Variants in CREB1 observed in about 807,000 individuals in gnomAD.
CREB1 encodes the protein cyclic AMP-responsive element-binding protein 1.
A neutral mutation model predicts 42.0 loss-of-function variants in CREB1; 2 were observed. The ratio of observed to expected loss-of-function variants is 0.05; its 90% CI spans 0.02 to 0.15. The LOEUF is 0.15. Ranked by LOEUF, CREB1 falls within the 10% of genes least tolerant of loss-of-function variation. CREB1 has a pLI of 1.00. For missense variants in CREB1, 199 were observed against 388.9 expected (o/e 0.51, Z 4.11); for synonymous variants, 123 against 139.9 (o/e 0.88, Z 0.85).
intron 3 of CREB1, among the ~76,000 whole-genome samples, chr2:207,565,085 G>T (rs2082092347): frequency 6.6e-6 from 1 of 151,456 alleles, no homozygotes; most frequent in Admixed American, 6.6e-5. Flanking sequence ...AAAATTGAGA[G>T]GAAGCTACAG....
intron 7 of CREB1, among the ~76,000 whole-genome samples, chr2:207,588,263 A>G (rs1185109348): frequency 6.6e-6 from 1 of 152,142 alleles, no homozygotes; most frequent in African/African-American, 2.4e-5. Flanking sequence ...ATATAGGAAC[A>G]TCCATTTGTT....
chr2:207,537,031 G>T (rs2080901072), intron 1 of CREB1, among the ~76,000 whole-genome samples: 1 of 142,068 alleles, frequency 7.0e-6, no homozygotes, highest in Non-Finnish European at 1.5e-5. Flanking sequence ...CCTGCTAAAT[G>T]ATTAAAATGT....
intron 6 of CREB1, chr2:207,576,731 C>CAT (rs1404281045): frequency 1.7e-6 from 2 of 1,169,012 alleles, no homozygotes; most frequent in East Asian, 1.1e-4. Flanking sequence ...CCACTCAAAC[C>CAT]ATACATTTTA....
chr2:207,542,015 T>C (rs1169811808), intron 1 of CREB1, among the ~76,000 whole-genome samples: 1 of 152,250 alleles, frequency 6.6e-6, no homozygotes, highest in Non-Finnish European at 1.5e-5. Flanking sequence ...TGTTGTAGTA[T>C]GTATCAGTAT....
At chr2:207,549,186 A>G (rs999187285) in intron 1 of CREB1, among the ~76,000 whole-genome samples, 16 of 152,206 alleles carry the variant, frequency 1.1e-4, no homozygotes, top group African/African-American at 3.4e-4. Flanking sequence ...AGGTTGATCT[A>G]TGTTGAGGAG....
At chr2:207,575,723 A>T (rs1256210572) in intron 6 of CREB1, among the ~76,000 whole-genome samples, 1 of 152,166 alleles carries the variant, frequency 6.6e-6, no homozygotes, top group Non-Finnish European at 1.5e-5. Flanking sequence ...GTTAGAAGGA[A>T]AGACCAGGAA....
intron 6 of CREB1, among the ~76,000 whole-genome samples, chr2:207,576,241 C>CTTTTTTTTTTTTTTTTTAGTTT (rs2082588982): frequency 9.9e-6 from 1 of 101,068 alleles, no homozygotes; most frequent in Admixed American, 1.1e-4. Context: ...CTTTTTTTGG[C>CTTTTTTTTTTTTTTTTTAGTTT]TTTTTTTTTT....
At chr2:207,536,010 G>T (rs759104672) in intron 1 of CREB1, among the ~76,000 whole-genome samples, 3 of 151,668 alleles carry the variant, frequency 2.0e-5, no homozygotes, top group East Asian at 2.0e-4. Context: ...ACAGAGTTTC[G>T]CCATGTTGCC....
chr2:207,584,151 T>C (rs527492081), intron 7 of CREB1, among the ~76,000 whole-genome samples: 1 of 152,238 alleles, frequency 6.6e-6, no homozygotes, highest in Non-Finnish European at 1.5e-5. Context: ...GAACTTTCCA[T>C]TAACATGAGT....
intron 1 of CREB1, chr2:207,534,590 C>T (rs2080791351): frequency 6.6e-6 from 1 of 152,202 alleles, no homozygotes; most frequent in South Asian, 2.1e-4. Context: ...GCTGTCTTAT[C>T]TCTACCCTCA....
chr2:207,545,865 C>T (rs2081285507), intron 1 of CREB1, among the ~76,000 whole-genome samples: 1 of 151,892 alleles, frequency 6.6e-6, no homozygotes, highest in Non-Finnish European at 1.5e-5. Flanking sequence ...TCCCGAGTAG[C>T]TGGGATTACA....
chr2:207,583,982 A>C (rs949741376), intron 7 of CREB1, among the ~76,000 whole-genome samples: 4 of 152,142 alleles, frequency 2.6e-5, no homozygotes, highest in African/African-American at 9.7e-5. Flanking sequence ...TGCATTTAAG[A>C]TTTATTGATT....
chr2:207,536,869 A>G (rs966734623), intron 1 of CREB1, among the ~76,000 whole-genome samples: 4 of 151,970 alleles, frequency 2.6e-5, no homozygotes, highest in Non-Finnish European at 5.9e-5. Flanking sequence ...ATACGCCTGT[A>G]GTCCCAGCTG....
intron 1 of CREB1, among the ~76,000 whole-genome samples, chr2:207,548,907 T>A (rs1330566600): frequency 1.3e-5 from 2 of 152,258 alleles, no homozygotes; most frequent in African/African-American, 4.8e-5. Flanking sequence ...TTTTGTCATA[T>A]AAGTAATTTA....
chr2:207,530,386 G>T (rs1256967606), intron 1 of CREB1, among the ~76,000 whole-genome samples: 1 of 147,808 alleles, frequency 6.8e-6, no homozygotes, highest in African/African-American at 2.4e-5. Context: ...CGCTCATGGC[G>T]GGGGGCGGCG....
At chr2:207,587,525 A>G (rs756586035) in intron 7 of CREB1, among the ~76,000 whole-genome samples, 11 of 152,240 alleles carry the variant, frequency 7.2e-5, no homozygotes, top group Non-Finnish European at 1.5e-4. Context: ...AGTAGCTAAG[A>G]TAGGGAATCA....
chr2:207,567,025 T>C (rs1292013741), intron 3 of CREB1, among the ~76,000 whole-genome samples: 8 of 152,202 alleles, frequency 5.3e-5, no homozygotes, highest in South Asian at 2.1e-4. Flanking sequence ...TCGCCAGTCT[T>C]ACTGTACAAC....
In CREB1 at chr2:207,532,346, A is replaced by C. The variant is rs144337509; in HGVS notation, c.-9+2212A>C. ...CAAAGAAAAAAAAAAAAAAGAAAGA[A>C]TATATGACTCTTCATTTGTGAGATT... On this transcript the variant is annotated intron_variant, in intron 1 of 7. Transcript: ENST00000353267. 8.6e-3 allele frequency among the ~76,000 whole-genome samples: 1,298 copies of C among 151,774 alleles called. 20 individuals carry two copies. Among genetic ancestry groups the C allele is most frequent in the African/African-American group, 0.03 (1,238 of 41,334 alleles).
At chr2:207,570,406 C>A in intron 5 of CREB1, 85 bp downstream of exon 5, 1 of 1,301,002 alleles carries the variant, frequency 7.7e-7, no homozygotes, top group Non-Finnish European at 1.1e-6. Flanking sequence ...TTCAGAGAAA[C>A]CAATACAAGT....
Sources: allele counts gnomAD v4.1 joint callset (sites outside exome capture counted in the v4.1 genomes callset), GRCh38; gene constraint gnomAD v4.1.1; transcripts MANE v1.5; gene names NCBI Gene and HGNC (gene_info 2026-07-23, HGNC 2026-07-21).